The following AUH variants were observed in gnomAD, a reference collection of about 807,000 sequenced individuals.
AUH encodes the protein methylglutaconyl-CoA hydratase, mitochondrial.
A neutral mutation model predicts 42.3 loss-of-function variants in AUH; 29 were observed. The observed-to-expected ratio is 0.69, with a 90% CI of 0.51 to 0.93. AUH has a LOEUF of 0.93. Among genes scored for constraint, AUH ranks in the 40% least tolerant of loss-of-function variants. The pLI is 0.00. For synonymous variants in AUH, 174 were observed against 166.4 expected, an observed-to-expected ratio of 1.05 and a Z score of -0.35; for missense variants, 452 against 438.1, an observed-to-expected ratio of 1.03 and a Z score of -0.28.
At chr9:91,268,990 T>G (rs1343744896) in intron 6 of AUH, among the ~76,000 whole-genome samples, 8 of 151,932 alleles carry the variant, frequency 5.3e-5, no homozygotes, top group Non-Finnish European at 1.5e-5. Flanking sequence ...ACACTTTCTT[T>G]TTTTTTTTGA....
chr9:91,342,381 C>A (rs945454877), intron 3 of AUH, among the ~76,000 whole-genome samples: 1 of 152,230 alleles, frequency 6.6e-6, no homozygotes, highest in Non-Finnish European at 1.5e-5. Context: ...AAGATCTTCA[C>A]CTTCCTCACA....
intron 6 of AUH, among the ~76,000 whole-genome samples, chr9:91,252,639 G>A (rs1351364066): frequency 6.6e-6 from 1 of 152,138 alleles, no homozygotes; most frequent in Non-Finnish European, 1.5e-5. Context: ...ATGGCACCTG[G>A]ATTACCAAAG....
chr9:91,324,686 C>A (rs1829847524), intron 4 of AUH, among the ~76,000 whole-genome samples: 1 of 148,928 alleles, frequency 6.7e-6, no homozygotes, highest in African/African-American at 2.5e-5. Flanking sequence ...TATATGCTGG[C>A]AGGAATGTGA....
At chr9:91,358,544 C>T (rs1832611193) in intron 1 of AUH, among the ~76,000 whole-genome samples, 1 of 152,184 alleles carries the variant, frequency 6.6e-6, no homozygotes, top group Non-Finnish European at 1.5e-5. Flanking sequence ...TTCCACACTC[C>T]ATGGGACTGT....
intron 1 of AUH, 28 bp downstream of exon 1, chr9:91,361,600 C>G (rs1167461650): frequency 7.0e-6 from 11 of 1,566,490 alleles, no homozygotes; most frequent in Non-Finnish European, 9.5e-6. Context: ...GCCCGCTGCC[C>G]CGCGCCTGCC....
intron 6 of AUH, among the ~76,000 whole-genome samples, chr9:91,275,583 A>T (rs1273426567): frequency 6.6e-6 from 1 of 152,206 alleles, no homozygotes; most frequent in Non-Finnish European, 1.5e-5. Flanking sequence ...CACTTGACAG[A>T]GTGAATCTTA....
intron 3 of AUH, among the ~76,000 whole-genome samples, chr9:91,336,501 AC>A (rs1285298838): frequency 6.6e-6 from 1 of 151,920 alleles, no homozygotes; most frequent in East Asian, 1.9e-4. Context: ...GTGATGGTGC[AC>A]ACCTGTAAAC....
intron 3 of AUH, among the ~76,000 whole-genome samples, chr9:91,334,547 T>G (rs186635610): frequency 1.7e-3 from 167 of 97,072 alleles, no homozygotes; most frequent in African/African-American, 6.6e-3. Flanking sequence ...ACCACCAGCT[T>G]TCCTGGGTCT....
chr9:91,218,019 G>A (rs1484299995), intron 7 of AUH, among the ~76,000 whole-genome samples: 2 of 152,122 alleles, frequency 1.3e-5, no homozygotes, highest in African/African-American at 2.4e-5. Flanking sequence ...TTCATTATTG[G>A]ATCACATTTT....
intron 6 of AUH, among the ~76,000 whole-genome samples, chr9:91,224,567 G>A (rs1371682967): frequency 6.6e-6 from 1 of 152,054 alleles, no homozygotes; most frequent in Non-Finnish European, 1.5e-5. Flanking sequence ...TTTCTTCTAA[G>A]AGTTGTATAC....
intron 9 of AUH, among the ~76,000 whole-genome samples, chr9:91,215,590 T>C (rs1336951388): frequency 6.6e-6 from 1 of 152,090 alleles, no homozygotes; most frequent in African/African-American, 2.4e-5. Flanking sequence ...AACTTACAGA[T>C]GAAAAGGGCC....
At chr9:91,352,531 A>T (rs894323750) in intron 3 of AUH, among the ~76,000 whole-genome samples, 5 of 152,142 alleles carry the variant, frequency 3.3e-5, no homozygotes, top group African/African-American at 1.2e-4. Context: ...TTAAACTAAA[A>T]ATTGATTAAA....
chr9:91,299,759 G>C (rs1190512907), intron 4 of AUH, among the ~76,000 whole-genome samples: 2 of 152,298 alleles, frequency 1.3e-5, no homozygotes, highest in South Asian at 2.1e-4. Flanking sequence ...ACTACAAGTA[G>C]AATGTAATGA....
At chr9:91,359,809 C>T (rs1026155623) in intron 1 of AUH, among the ~76,000 whole-genome samples, 2 of 152,072 alleles carry the variant, frequency 1.3e-5, no homozygotes, top group African/African-American at 2.4e-5. Context: ...AATAAAGGCA[C>T]CCAGGAAACT....
At chr9:91,280,212 ACTTTCT>A (rs1214347914) in intron 6 of AUH, among the ~76,000 whole-genome samples, 1 of 152,186 alleles carries the variant, frequency 6.6e-6, no homozygotes, top group East Asian at 1.9e-4. Context: ...TCCTTGATTA[ACTTTCT>A]ACATATTCTA....
chr9:91,247,702 T>A (rs917070728), intron 6 of AUH, among the ~76,000 whole-genome samples: 1 of 152,228 alleles, frequency 6.6e-6, no homozygotes, highest in Non-Finnish European at 1.5e-5. Context: ...TTAATTTTAG[T>A]CATTCTATAG....
chr9:91,246,906 A>G (rs1252609226), intron 6 of AUH, among the ~76,000 whole-genome samples: 1 of 152,208 alleles, frequency 6.6e-6, no homozygotes, highest in Admixed American at 6.5e-5. Flanking sequence ...AGTCCCCATC[A>G]TGCCTAAGCA....
At chr9:91,253,253 C>T (rs1228469718) in intron 6 of AUH, among the ~76,000 whole-genome samples, 1 of 152,150 alleles carries the variant, frequency 6.6e-6, no homozygotes, top group Non-Finnish European at 1.5e-5. Context: ...CAGATTAGGG[C>T]TTTCTACATG....
chr9:91,283,553 T>A (rs920436949), intron 6 of AUH, among the ~76,000 whole-genome samples: 1 of 152,160 alleles, frequency 6.6e-6, no homozygotes, highest in African/African-American at 2.4e-5. Flanking sequence ...GATTGCATAT[T>A]TAGAAAACCC....
Sources: allele counts gnomAD v4.1 joint callset (sites outside exome capture counted in the v4.1 genomes callset), GRCh38; gene constraint gnomAD v4.1.1; transcripts MANE v1.5; gene names NCBI Gene and HGNC (gene_info 2026-07-23, HGNC 2026-07-21).